Variants in UBFD1 observed in about 807,000 individuals in gnomAD.
UBFD1 encodes the protein ubiquitin domain-containing protein UBFD1.
UBFD1 carries 12 observed loss-of-function variants against 35.1 expected under a neutral mutation model. The observed-to-expected ratio is 0.34, with a 90% CI of 0.22 to 0.55. UBFD1 has a LOEUF of 0.55. Among genes scored for constraint, UBFD1 ranks in the 20% least tolerant of loss-of-function variants. UBFD1 has a pLI of 0.89. For synonymous variants in UBFD1, 178 were observed against 167.6 expected (o/e 1.06, Z -0.48); for missense variants, 337 against 410.8 (o/e 0.82, Z 1.55).
chr16:23,570,368 G>GT lies in UBFD1; in HGVS notation c.820-107dup, dbSNP rs1365207971. ...CTCCCCACGTGCAAAGTTTTGTTTGGTTTTTCTTCCCTTTTTAATTAACTC... is the reference window on the plus strand; with the variant it reads ...CTCCCCACGTGCAAAGTTTTGTTTGGTTTTTTCTTCCCTTTTTAATTAACTC... On this transcript the variant is annotated intron_variant, in intron 6 of 6. Coordinates refer to ENST00000395878, the MANE Select transcript of UBFD1 (RefSeq NM_019116.3). The GT allele has an allele frequency of 1.4e-5, 11 of 806,834 alleles. No homozygotes were observed. The East Asian group carries it at 2.8e-4, about 21-fold the overall frequency. 50.0% of individuals were successfully genotyped at this position (806,834 alleles called of 1,614,324 possible). A position where few individuals can be genotyped will look rare whatever the true frequency, so the allele number is the denominator to read the frequency against.
chr16:23,571,350 A>G lies in UBFD1; in HGVS notation c.*760A>G, dbSNP rs1966082208. 6.5e-6 allele frequency: 1 copy of G among 152,674 alleles called. No individual in the cohort carries two copies. The highest frequency in any genetic ancestry group is 2.4e-5 in the African/African-American group (1 of 41,454). 9.5% of individuals were successfully genotyped at this position (152,674 alleles called of 1,614,324 possible). ...TTCGTTGAGCAGCAGAGTATCTCCCAGTGACTCCTGTTTAAATGTCTTGCC... is the reference window on the plus strand; with the variant it reads ...TTCGTTGAGCAGCAGAGTATCTCCCGGTGACTCCTGTTTAAATGTCTTGCC... On this transcript the variant is annotated 3_prime_UTR_variant, in exon 7 of 7. Transcript: ENST00000395878.
intron 5 of UBFD1, chr16:23,564,034 G>C (rs1965976754): frequency 6.6e-6 from 1 of 152,184 alleles, no homozygotes. Context: ...CTGTCCCCCT[G>C]TTAGATTCCT....
intron 3 of UBFD1, among the ~76,000 whole-genome samples, chr16:23,560,604 G>A (rs767175944): frequency 1.4e-4 from 22 of 152,116 alleles, no homozygotes; most frequent in Non-Finnish European, 2.9e-4. Context: ...GTATAAAAAC[G>A]AGAAGTGTTT....
rs575432641 is a variant in UBFD1 at position 23,572,639 on chromosome 16, T to C, written c.*2049T>C. 1.4e-3 allele frequency: 218 copies of C among 153,836 alleles called. No individual in the cohort carries two copies. Among genetic ancestry groups the C allele is most frequent in the Non-Finnish European group, 2.1e-3 (141 of 68,096 alleles). 9.5% of individuals were successfully genotyped at this position (153,836 alleles called of 1,614,324 possible). On this transcript the variant is annotated 3_prime_UTR_variant, in exon 7 of 7. Transcript: ENST00000395878. ...TTGCCGGGCCACTTGGCCTCCCTTCTTGCCGGTGACAGCGTTCCATCATCT... is the reference window on the plus strand; with the variant it reads ...TTGCCGGGCCACTTGGCCTCCCTTCCTGCCGGTGACAGCGTTCCATCATCT...
intron 5 of UBFD1, 67 bp from the exon 6 acceptor site, chr16:23,566,920 C>A: frequency 6.7e-7 from 1 of 1,496,010 alleles, no homozygotes; most frequent in Non-Finnish European, 9.3e-7. Context: ...TGATGAGGGA[C>A]TGCTGAGTCA....
chr16:23,557,866 G>A, intron 1 of UBFD1, 84 bp from the exon 2 acceptor site: 3 of 1,271,440 alleles, frequency 2.4e-6, no homozygotes, highest in Non-Finnish European at 3.0e-6. Context: ...CCGCGGCTCG[G>A]GAACGGAGGT....
intron 3 of UBFD1, among the ~76,000 whole-genome samples, chr16:23,561,347 C>G (rs1036877070): frequency 2.6e-5 from 4 of 152,192 alleles, no homozygotes; most frequent in Non-Finnish European, 5.9e-5. Context: ...TACCTTCTAT[C>G]CATTCATTGT....
chr16:23,559,701 T>G (rs1391031876), intron 3 of UBFD1, 25 bp downstream of exon 3: 1 of 1,613,702 alleles, frequency 6.2e-7, no homozygotes, highest in African/African-American at 1.3e-5. Context: ...TGCTTCTTGG[T>G]CTTGAGAAAT....
chr16:23,567,338 C>T (rs1966025653), intron 6 of UBFD1, among the ~76,000 whole-genome samples: 1 of 152,182 alleles, frequency 6.6e-6, no homozygotes, highest in African/African-American at 2.4e-5. Context: ...GTCTCTCTTG[C>T]CTCCCTCTTG....
intron 5 of UBFD1, among the ~76,000 whole-genome samples, chr16:23,563,169 G>A (rs889207888): frequency 5.3e-5 from 8 of 151,618 alleles, no homozygotes; most frequent in Non-Finnish European, 8.8e-5. Context: ...CACTAGAGCC[G>A]AGTGGTGGTT....
chr16:23,568,274 C>T (rs1966038418), intron 6 of UBFD1, among the ~76,000 whole-genome samples: 1 of 151,580 alleles, frequency 6.6e-6, no homozygotes, highest in Admixed American at 6.6e-5. Flanking sequence ...ATTCTCCTGC[C>T]TCTGCCTCCT....
chr16:23,561,297 T>G (rs900461184), intron 3 of UBFD1, among the ~76,000 whole-genome samples: 1 of 152,256 alleles, frequency 6.6e-6, no homozygotes, highest in Non-Finnish European at 1.5e-5. Context: ...GGATTTGGGC[T>G]GGCTTGTGGC....
intron 6 of UBFD1, chr16:23,568,913 G>T (rs1167545397): frequency 6.6e-6 from 1 of 152,164 alleles, no homozygotes; most frequent in Non-Finnish European, 1.5e-5. Flanking sequence ...AATAGTTTGT[G>T]TTGCCAGTCA....
chr16:23,560,795 C>T lies in UBFD1; in HGVS notation c.564+1119C>T, dbSNP rs140778321. ...GGGTTTCAGATAAGGGGTTATAAAC[C>T]TATATTAATTATCTAAAAGGTGTTG... On this transcript the variant is annotated intron_variant, in intron 3 of 6. Transcript: ENST00000395878. Among the ~76,000 whole-genome samples the T allele has an allele frequency of 1.1e-3, 164 of 152,192 alleles. 2 individuals are homozygous for T. The East Asian group carries it at 0.029, about 27-fold the overall frequency.
chr16:23,559,652 G>A lies in UBFD1; in HGVS notation c.540G>A (p.Lys180=), dbSNP rs374613245. 41 of 1,614,160 alleles carry A rather than the reference G, an allele frequency of 2.5e-5. No homozygotes were observed. The African/African-American group carries it at 5.2e-4, about 20-fold the overall frequency. Residue 180 remains lysine, a synonymous_variant, in exon 3 of 7, where the codon AAG becomes AAA. Transcript: ENST00000395878. ...AGGATGCAAAGGCCGAAGAGAACAA[G>A]AAGGAGCCTCTCTGCAGGCAGAAAG... ...AQQDAKAEEN[K]KEPLCRQKQH... is the part of the protein sequence containing the mutation.
chr16:23,570,198 C>T (rs997672285), intron 6 of UBFD1, among the ~76,000 whole-genome samples: 12 of 152,152 alleles, frequency 7.9e-5, no homozygotes, highest in African/African-American at 2.9e-4. Flanking sequence ...AAATTAGAAA[C>T]TTCACAGGGT....
At chr16:23,566,676 T>C (rs1181209936) in intron 5 of UBFD1, 1 of 233,312 alleles carries the variant, frequency 4.3e-6, no homozygotes, top group East Asian at 9.1e-5. Context: ...CTGGCCTTTC[T>C]TGGATATTTA....
At chr16:23,562,485 C>T (rs1211222295) in intron 4 of UBFD1, 140 bp from the exon 5 acceptor site, 16 of 834,868 alleles carry the variant, frequency 1.9e-5, no homozygotes, top group Admixed American at 2.8e-5. Context: ...CCAGGCTAGT[C>T]TCCAACTCCT....
intron 2 of UBFD1, among the ~76,000 whole-genome samples, chr16:23,558,732 T>C (rs1291347980): frequency 1.3e-5 from 2 of 152,102 alleles, no homozygotes; most frequent in Admixed American, 6.6e-5. Flanking sequence ...TGTTTCTTAA[T>C]TTTACCTTGT....
Sources: allele counts gnomAD v4.1 joint callset (sites outside exome capture counted in the v4.1 genomes callset), GRCh38; gene constraint gnomAD v4.1.1; transcripts MANE v1.5; gene names NCBI Gene and HGNC (gene_info 2026-07-23, HGNC 2026-07-21).